RBMS3: variants seen among roughly 807,000 people sequenced by gnomAD.
RBMS3 encodes the protein RNA binding motif single stranded interacting protein 3.
A neutral mutation model predicts 66.8 loss-of-function variants in RBMS3; 27 were observed. That is an observed-to-expected ratio of 0.40 (90% CI 0.30 to 0.56). The LOEUF (loss-of-function observed/expected upper bound fraction) is 0.56. RBMS3 is among the 20% of genes least tolerant of loss of function. RBMS3 has a pLI of 0.40. For missense variants in RBMS3, 513 were observed against 549.5 expected (o/e 0.93, Z 0.66); for synonymous variants, 188 against 183.0 (o/e 1.03, Z -0.22).
At chr3:29,399,529 A>G (rs7355803) in intron 1 of RBMS3, among the ~76,000 whole-genome samples, 68,308 of 152,084 alleles carry the variant, frequency 0.45, 16,308 homozygotes, top group African/African-American at 0.6. Flanking sequence ...AAAAGTTGCA[A>G]ACATCCATGG....
intron 4 of RBMS3, among the ~76,000 whole-genome samples, chr3:29,670,626 C>T (rs2050957482): frequency 6.6e-6 from 1 of 152,198 alleles, no homozygotes; most frequent in South Asian, 2.1e-4. Context: ...CTCAGAGGGT[C>T]CCGTGCCCAC....
intron 3 of RBMS3, among the ~76,000 whole-genome samples, chr3:29,533,968 A>G (rs1420300943): frequency 6.6e-6 from 1 of 152,210 alleles, no homozygotes; most frequent in Non-Finnish European, 1.5e-5. Flanking sequence ...TGACTCCTAA[A>G]TCCGCTGCAT....
intron 4 of RBMS3, among the ~76,000 whole-genome samples, chr3:29,700,325 C>G (rs180979321): frequency 1.0e-3 from 152 of 152,302 alleles, no homozygotes; most frequent in African/African-American, 3.6e-3. Context: ...CTTTTTCAGT[C>G]TCTTCCATAT....
At chr3:29,597,852 A>G (rs979604580) in intron 4 of RBMS3, among the ~76,000 whole-genome samples, 12 of 152,136 alleles carry the variant, frequency 7.9e-5, no homozygotes, top group African/African-American at 2.9e-4. Flanking sequence ...CTCATGAATT[A>G]CTTTTAGCCT....
intron 1 of RBMS3, among the ~76,000 whole-genome samples, chr3:29,400,680 G>A (rs7373931): frequency 0.74 from 113,030 of 151,780 alleles, 42,275 homozygotes; most frequent in East Asian, 0.96. Context: ...AGGTGGCATA[G>A]TGAATAGGTG....
At chr3:29,443,002 T>C (rs747936247) in intron 2 of RBMS3, among the ~76,000 whole-genome samples, 1 of 152,134 alleles carries the variant, frequency 6.6e-6, no homozygotes, top group Non-Finnish European at 1.5e-5. Flanking sequence ...TGACTAATAA[T>C]TCTATATTGT....
intron 4 of RBMS3, among the ~76,000 whole-genome samples, chr3:29,621,187 C>CT (rs112009474): frequency 0.24 from 33,982 of 143,790 alleles, 4,031 homozygotes; most frequent in East Asian, 0.34. Context: ...ATGTCTGCTT[C>CT]TTTTTTTTTT....
intron 1 of RBMS3, among the ~76,000 whole-genome samples, chr3:29,402,856 T>A (rs1250233612): frequency 6.6e-6 from 1 of 152,018 alleles, no homozygotes; most frequent in East Asian, 1.9e-4. Flanking sequence ...AATTGAGGGC[T>A]AGGATGATAA....
intron 2 of RBMS3, among the ~76,000 whole-genome samples, chr3:29,435,715 G>A (rs186597921): frequency 1.4e-3 from 211 of 152,208 alleles, no homozygotes; most frequent in African/African-American, 4.8e-3. Flanking sequence ...TGAGGCAGGC[G>A]GATCACAAGG....
intron 3 of RBMS3, among the ~76,000 whole-genome samples, chr3:29,580,925 G>A (rs946772407): frequency 6.6e-6 from 1 of 152,074 alleles, no homozygotes; most frequent in African/African-American, 2.4e-5. Flanking sequence ...AGTGTCTGAG[G>A]CTGCAACCCT....
At chr3:29,738,165 AAAC>A (rs1434072203) in intron 4 of RBMS3, among the ~76,000 whole-genome samples, 1 of 152,158 alleles carries the variant, frequency 6.6e-6, no homozygotes, top group African/African-American at 2.4e-5. Flanking sequence ...TCTTGACCTG[AAAC>A]AACATTTGGA....
intron 10 of RBMS3, among the ~76,000 whole-genome samples, chr3:29,918,214 G>T (rs189760572): frequency 2.6e-5 from 4 of 151,986 alleles, no homozygotes; most frequent in African/African-American, 9.7e-5. Flanking sequence ...AATCAAGTTG[G>T]CAGATTAATA....
chr3:29,779,763 A>G (rs1489796030), intron 6 of RBMS3, among the ~76,000 whole-genome samples: 1 of 145,550 alleles, frequency 6.9e-6, no homozygotes, highest in Non-Finnish European at 1.5e-5. Flanking sequence ...AGAAGATACA[A>G]TAGGTTACTG....
intron 10 of RBMS3, among the ~76,000 whole-genome samples, chr3:29,926,472 A>T (rs183907193): frequency 1.3e-5 from 2 of 152,184 alleles, no homozygotes; most frequent in East Asian, 3.9e-4. Context: ...CACTATAAAC[A>T]ATGGCCATAA....
intron 4 of RBMS3, among the ~76,000 whole-genome samples, chr3:29,697,426 GTTTACT>G (rs560776359): frequency 7.2e-5 from 11 of 152,230 alleles, no homozygotes; most frequent in Admixed American, 7.2e-4. Context: ...ACTTCACCCG[GTTTACT>G]TTTCTTTCCA....
chr3:29,475,591 G>A (rs2042919548), intron 2 of RBMS3, among the ~76,000 whole-genome samples: 1 of 152,028 alleles, frequency 6.6e-6, no homozygotes, highest in Admixed American at 6.6e-5. Context: ...AAGAGTGGTT[G>A]GTCTTATCTT....
In RBMS3 at chr3:29,639,593, CAGAGAG is replaced by C. The variant is rs60712857; in HGVS notation, c.399+52414_399+52419del. ...CTATAGATGATAGATAGAAGATAGA[CAGAGAG>C]AGAGAGAGAGAGAGAGAGAGAGAGA... On this transcript the variant is annotated intron_variant, in intron 4 of 14. Coordinates refer to ENST00000383767, the MANE Select transcript of RBMS3 (RefSeq NM_001003793.3). Among the ~76,000 whole-genome samples the C allele has an allele frequency of 1.2e-3, 176 of 143,164 alleles. 3 individuals are homozygous for C. The highest frequency in any genetic ancestry group is 0.01 in the Middle Eastern group (3 of 286). 93.9% of individuals were successfully genotyped at this position (143,164 alleles called of 152,430 possible). A position where few individuals can be genotyped will look rare whatever the true frequency, so the allele number is the denominator to read the frequency against.
intron 1 of RBMS3, among the ~76,000 whole-genome samples, chr3:29,331,815 C>CTTTTT (rs11354452): frequency 4.3e-5 from 3 of 69,706 alleles, no homozygotes; most frequent in African/African-American, 1.2e-4. Context: ...AGGATAGCTC[C>CTTTTT]TTTTTTTTTT....
intron 4 of RBMS3, among the ~76,000 whole-genome samples, chr3:29,600,179 C>G (rs897918776): frequency 6.6e-6 from 1 of 151,868 alleles, no homozygotes; most frequent in African/African-American, 2.4e-5. Flanking sequence ...TTCTAGAAAC[C>G]CACCTTAAAA....
Sources: gnomAD v4.1 joint callset for allele counts (sites outside exome capture counted in the v4.1 genomes callset) on GRCh38, gnomAD v4.1.1 for gene constraint, MANE v1.5 for transcripts, NCBI Gene and HGNC (gene_info 2026-07-23, HGNC 2026-07-21) for gene names.